The following SLC35G2 variants were observed in gnomAD, a reference collection of about 807,000 sequenced individuals.
The protein encoded by SLC35G2 is solute carrier family 35 member G2.
SLC35G2 carries 20 observed loss-of-function variants against 27.2 expected under a neutral mutation model. That is an observed-to-expected ratio of 0.74 (90% CI 0.52 to 1.07). SLC35G2 has a LOEUF of 1.07. Ranked by LOEUF, SLC35G2 falls within the 50% of genes least tolerant of loss-of-function variation. SLC35G2 has a pLI of 0.00. For missense variants in SLC35G2, 416 were observed against 493.3 expected (o/e 0.84, Z 1.48); for synonymous variants, 148 against 165.3 (o/e 0.90, Z 0.80).
intron 1 of SLC35G2, among the ~76,000 whole-genome samples, chr3:136,844,361 C>T (rs571703914): frequency 9.4e-4 from 142 of 151,236 alleles, no homozygotes; most frequent in East Asian, 2.8e-3. Flanking sequence ...TGGTGGCACG[C>T]GCCTGTAGTT....
Position 136,840,923 on chromosome 3 carries a change from C to CTT in SLC35G2, c.-18-13501_-18-13500dup, listed in dbSNP as rs71626030. Among the ~76,000 whole-genome samples, 248 of 121,526 alleles carry CTT rather than the reference C, an allele frequency of 2.0e-3. 2 individuals carry two copies. The highest frequency in any genetic ancestry group is 6.6e-3 in the African/African-American group (215 of 32,444). The allele number at this position is 121,526 out of a possible 152,430, so 79.7% of individuals were successfully genotyped here. ...CAGACGTGAGCCACTGTGCCTGGCC[C>CTT]TTTTTTTTTTTTTTTTTTTTCTTTT... On this transcript the variant is annotated intron_variant, in intron 1 of 1. Transcript: ENST00000446465.
At chr3:136,834,843 G>T (rs1198461337) in intron 1 of SLC35G2, among the ~76,000 whole-genome samples, 1 of 152,086 alleles carries the variant, frequency 6.6e-6, no homozygotes, top group Non-Finnish European at 1.5e-5. Context: ...TTACATAAAA[G>T]TTGCAAATAT....
At chr3:136,844,525 G>T (rs186272589) in intron 1 of SLC35G2, among the ~76,000 whole-genome samples, 2,180 of 149,790 alleles carry the variant, frequency 0.015, 31 homozygotes, top group Middle Eastern at 0.022. Flanking sequence ...TTGACTGGGC[G>T]TGGTGGCTCA....
Position 136,853,648 on chromosome 3 carries a change from G to A in SLC35G2, c.-18-795G>A, listed in dbSNP as rs573867964. 3.9e-5 allele frequency among the ~76,000 whole-genome samples: 6 copies of A among 152,208 alleles called. No homozygotes were observed. The South Asian group carries it at 1.0e-3, about 26-fold the overall frequency. ...CCTCCTGTCACCTGAACCACCATTA[G>A]TTTTCTTGGCATCTTTATATAATTT... On this transcript the variant is annotated intron_variant, in intron 1 of 1. Coordinates refer to ENST00000446465, the MANE Select transcript of SLC35G2 (RefSeq NM_025246.3).
rs1265414377 is a variant in SLC35G2 at position 136,855,238 on chromosome 3, A to G, written c.778A>G (p.Met260Val). The G allele has an allele frequency of 6.2e-7, 1 of 1,614,090 alleles. No homozygotes were observed. The highest frequency in any genetic ancestry group is 1.3e-5 in the African/African-American group (1 of 74,942). ...CTGGAAAGAAGCCTTTGGGTACACC[A>G]TGACTGTGATGGCTGGACTGACCAC... ...NAWKEAFGYT[M>V]TVMAGLTTAL... Residue 260 changes from methionine (M) to valine (V), a missense_variant, in exon 2 of 2, where the codon ATG becomes GTG. Physicochemically the swap from Met to Val is conservative, Grantham distance 21. Coordinates refer to ENST00000446465, the MANE Select transcript of SLC35G2 (RefSeq NM_025246.3).
chr3:136,821,304 T>C (rs1374141797), intron 1 of SLC35G2, among the ~76,000 whole-genome samples: 2 of 152,204 alleles, frequency 1.3e-5, no homozygotes, highest in Non-Finnish European at 2.9e-5. Context: ...AGGTCATCAT[T>C]ATTAAGGGTT....
intron 1 of SLC35G2, among the ~76,000 whole-genome samples, chr3:136,833,663 G>A (rs1161335705): frequency 6.6e-6 from 1 of 152,156 alleles, no homozygotes; most frequent in Non-Finnish European, 1.5e-5. Context: ...GTGCTCCTGT[G>A]AGATATAATG....
intron 1 of SLC35G2, among the ~76,000 whole-genome samples, chr3:136,840,699 C>G (rs1576899430): frequency 6.6e-6 from 1 of 151,974 alleles, no homozygotes; most frequent in Non-Finnish European, 1.5e-5. Flanking sequence ...TCTTGGCTCA[C>G]TGCAACCTCT....
chr3:136,836,572 A>T (rs1437366133), intron 1 of SLC35G2, among the ~76,000 whole-genome samples: 2 of 152,206 alleles, frequency 1.3e-5, no homozygotes, highest in East Asian at 3.8e-4. Flanking sequence ...GAAAATGCTC[A>T]TGGAAAAAAG....
chr3:136,833,211 G>A (rs4533585), intron 1 of SLC35G2, among the ~76,000 whole-genome samples: 103,443 of 151,978 alleles, frequency 0.68, 35,482 homozygotes, highest in East Asian at 0.87. Context: ...AGATGAGGAG[G>A]GTAGGGAATA....
At chr3:136,851,741 T>C (rs955101610) in intron 1 of SLC35G2, among the ~76,000 whole-genome samples, 12 of 152,112 alleles carry the variant, frequency 7.9e-5, no homozygotes, top group African/African-American at 2.7e-4. Flanking sequence ...GAAATCACTG[T>C]AGGTTCTTGA....
chr3:136,838,008 C>T (rs1261289807), intron 1 of SLC35G2: 1 of 151,690 alleles, frequency 6.6e-6, no homozygotes, highest in Non-Finnish European at 1.5e-5. Flanking sequence ...ACGCCCAGCT[C>T]ATTTTTGTAT....
chr3:136,840,598 T>A (rs1322449185), intron 1 of SLC35G2, among the ~76,000 whole-genome samples: 1 of 147,670 alleles, frequency 6.8e-6, no homozygotes, highest in Non-Finnish European at 1.5e-5. Flanking sequence ...TCCCTCCGTC[T>A]CTTTCTCTTC....
intron 1 of SLC35G2, among the ~76,000 whole-genome samples, chr3:136,836,279 T>C (rs996868094): frequency 6.6e-6 from 1 of 152,094 alleles, no homozygotes; most frequent in Admixed American, 6.6e-5. Context: ...GTAACTTCCT[T>C]CTCTCTTGGT....
chr3:136,831,847 G>A (rs1236137325), intron 1 of SLC35G2, among the ~76,000 whole-genome samples: 1 of 151,832 alleles, frequency 6.6e-6, no homozygotes, highest in African/African-American at 2.4e-5. Flanking sequence ...TTGGACTTGT[G>A]GGTTTAAGTG....
chr3:136,830,987 CTCTT>C (rs1936717839), intron 1 of SLC35G2, among the ~76,000 whole-genome samples: 1 of 152,176 alleles, frequency 6.6e-6, no homozygotes, highest in East Asian at 1.9e-4. Flanking sequence ...CTTTGTATCT[CTCTT>C]TTATTTAAGA....
At position 136,838,272 on chromosome 3, in the gene SLC35G2, TATATATATATAA is replaced by T. The variant is rs1479814584; in HGVS notation, c.-18-16168_-18-16157del. ...ATATATATATATATATATATATATA[TATATATATATAA>T]ATGCACACACAACGTGTGTGTGCTT... On this transcript the variant is annotated intron_variant, in intron 1 of 1. Transcript: ENST00000446465. 32 of 63,372 alleles carry T rather than the reference TATATATATATAA, an allele frequency of 5.0e-4. 3 individuals are homozygous for T. Among genetic ancestry groups the T allele is most frequent in the African/African-American group, 1.4e-3 (24 of 17,586 alleles). 3.9% of individuals were successfully genotyped at this position (63,372 alleles called of 1,614,324 possible).
In SLC35G2 at chr3:136,852,546, G is replaced by A. The variant is rs1480602184; in HGVS notation, c.-18-1897G>A. On this transcript the variant is annotated intron_variant, in intron 1 of 1. Transcript: ENST00000446465. Reference sequence around the variant, plus strand: ...CTTGCTCTGTTGCTGATGCTGGAGTGCAGTGGCACAATCTTGGCTCACTGC... The same window carrying A: ...CTTGCTCTGTTGCTGATGCTGGAGTACAGTGGCACAATCTTGGCTCACTGC... 3.3e-5 allele frequency among the ~76,000 whole-genome samples: 5 copies of A among 149,642 alleles called. No individual in the cohort carries two copies. The East Asian group carries it at 7.9e-4, about 24-fold the overall frequency.
At chr3:136,846,100 C>T (rs1022161923) in intron 1 of SLC35G2, among the ~76,000 whole-genome samples, 7 of 152,068 alleles carry the variant, frequency 4.6e-5, no homozygotes, top group Admixed American at 3.9e-4. Context: ...TGACCTCCTC[C>T]AAGCAAGAGG....
Sources: gnomAD v4.1 joint callset for allele counts (sites outside exome capture counted in the v4.1 genomes callset) on GRCh38, gnomAD v4.1.1 for gene constraint, MANE v1.5 for transcripts, NCBI Gene and HGNC (gene_info 2026-07-23, HGNC 2026-07-21) for gene names.